The following CREB1 variants were observed in gnomAD, a reference collection of about 807,000 sequenced individuals.
CREB1 encodes cAMP responsive element binding protein 1.
Under a neutral mutation model 42.0 loss-of-function variants are expected in CREB1, and 2 were observed. The observed-to-expected ratio is 0.05, with a 90% confidence interval of 0.02 to 0.15. CREB1 has a LOEUF of 0.15. Among genes scored for constraint, CREB1 ranks in the 10% least tolerant of loss-of-function variants. CREB1 has a pLI of 1.00. For missense variants in CREB1, 199 were observed against 388.9 expected (o/e 0.51, Z 4.11); for synonymous variants, 123 against 139.9 (o/e 0.88, Z 0.85).
At chr2:207,589,007 G>A (rs1268458922) in intron 7 of CREB1, among the ~76,000 whole-genome samples, 3 of 151,704 alleles carry the variant, frequency 2.0e-5, no homozygotes, top group African/African-American at 7.3e-5. Flanking sequence ...TTATTGCAAT[G>A]TCTAGGACTT....
At chr2:207,554,127 T>G (rs1210623723) in intron 1 of CREB1, among the ~76,000 whole-genome samples, 1 of 152,230 alleles carries the variant, frequency 6.6e-6, no homozygotes, top group Non-Finnish European at 1.5e-5. Flanking sequence ...TGTGGCTTTA[T>G]GAATATTTTA....
At position 207,604,554 on chromosome 2, in the gene CREB1, A is replaced by T. The variant is rs2087743128; in HGVS notation, c.*7496A>T. Reference sequence around the variant, plus strand: ...AACACGGGCCTGACATCAAATGGAAAGGAAGGATAATGTCCAGGAGTTGGA... The same window carrying T: ...AACACGGGCCTGACATCAAATGGAATGGAAGGATAATGTCCAGGAGTTGGA... On this transcript the variant is annotated 3_prime_UTR_variant, in exon 8 of 8. Transcript: ENST00000353267. Among the ~76,000 whole-genome samples, 1 of 152,254 alleles carries T rather than the reference A, an allele frequency of 6.6e-6. No individual in the cohort carries two copies. The highest frequency in any genetic ancestry group is 2.1e-4 in the South Asian group (1 of 4,834).
chr2:207,549,140 C>T (rs2081404367), intron 1 of CREB1, among the ~76,000 whole-genome samples: 1 of 152,166 alleles, frequency 6.6e-6, no homozygotes, highest in Non-Finnish European at 1.5e-5. Context: ...ACCTTTGTTA[C>T]AGTGTGATCA....
At chr2:207,550,945 T>A (rs2081479538) in intron 1 of CREB1, among the ~76,000 whole-genome samples, 1 of 152,250 alleles carries the variant, frequency 6.6e-6, no homozygotes, top group African/African-American at 2.4e-5. Flanking sequence ...GCAGAGTTTT[T>A]AAAATTTTTA....
chr2:207,561,813 A>G (rs1028475002), intron 3 of CREB1, among the ~76,000 whole-genome samples: 22 of 152,178 alleles, frequency 1.4e-4, no homozygotes, highest in African/African-American at 4.1e-4. Flanking sequence ...GAAGCATTCT[A>G]TTAATGTCCT....
intron 2 of CREB1, among the ~76,000 whole-genome samples, chr2:207,555,978 C>G (rs2081704666): frequency 6.6e-6 from 1 of 151,870 alleles, no homozygotes. Context: ...GTGAAATGAT[C>G]CAGAAATAAT....
chr2:207,570,101 C>G, intron 4 of CREB1, 78 bp from the exon 5 acceptor site: 23 of 701,462 alleles, frequency 3.3e-5, no homozygotes, highest in East Asian at 4.9e-5. Flanking sequence ...TGTGAGTTTT[C>G]TCATCTTTAA....
In CREB1 at chr2:207,575,445, G is replaced by A. The variant is rs147363050; in HGVS notation, c.679G>A (p.Val227Ile). ...GATCTTAGTGCCCAGCAACCAAGTT[G>A]TTGTTCAAGGTAAGGGAATTCAGAA... ...QQILVPSNQV[V>I]VQAASGDVQT... is the part of the protein sequence containing the mutation. Residue 227 changes from valine (V) to isoleucine (I), a missense_variant, in exon 6 of 8, where the codon GTT becomes ATT. Val to Ile is a conservative substitution (Grantham distance 29). Around this residue, in one of 4 missense-constraint regions of CREB1, gnomAD observed 66 missense variants for 88.1 expected, o/e 0.75. Transcript: ENST00000353267. 7 of 1,609,798 alleles carry A rather than the reference G, an allele frequency of 4.3e-6. No homozygotes were observed. In the African/African-American group the frequency reaches 6.7e-5, roughly 15 times the overall value.
chr2:207,539,692 A>G (rs1443573427), intron 1 of CREB1, among the ~76,000 whole-genome samples: 1 of 152,182 alleles, frequency 6.6e-6, no homozygotes, highest in Non-Finnish European at 1.5e-5. Context: ...TACATGACAG[A>G]GTTTTTACTG....
intron 5 of CREB1, chr2:207,571,919 G>T (rs1254253798): frequency 1.3e-5 from 4 of 305,408 alleles, no homozygotes; most frequent in Admixed American, 1.3e-4. Context: ...TCCTCCAGCA[G>T]CTGAAAATTG....
chr2:207,584,562 G>A (rs761517707), intron 7 of CREB1, among the ~76,000 whole-genome samples: 6 of 152,008 alleles, frequency 3.9e-5, no homozygotes, highest in East Asian at 3.9e-4. Context: ...CTGCCACCAC[G>A]TCTGATTTTT....
At chr2:207,533,460 TCTA>T (rs2080739362) in intron 1 of CREB1, among the ~76,000 whole-genome samples, 1 of 152,330 alleles carries the variant, frequency 6.6e-6, no homozygotes, top group African/African-American at 2.4e-5. Flanking sequence ...GTTTTTAAAT[TCTA>T]CTTTTTATAA....
chr2:207,545,731 C>CT (rs11356093), intron 1 of CREB1, among the ~76,000 whole-genome samples: 4,856 of 136,852 alleles, frequency 0.035, 275 homozygotes, highest in African/African-American at 0.12. Context: ...AGGAAGTGAA[C>CT]TTTTTTTTTT....
intron 7 of CREB1, among the ~76,000 whole-genome samples, chr2:207,584,164 ATATC>A (rs2083405866): frequency 6.6e-6 from 1 of 152,204 alleles, no homozygotes; most frequent in South Asian, 2.1e-4. Context: ...ACATGAGTAA[ATATC>A]TAGGAGTAGG....
intron 5 of CREB1, among the ~76,000 whole-genome samples, chr2:207,572,367 A>G (rs1216715462): frequency 1.3e-5 from 2 of 152,028 alleles, no homozygotes; most frequent in African/African-American, 2.4e-5. Context: ...CTTGATTTTC[A>G]TTAAGAGCAA....
At chr2:207,539,691 G>T (rs1213619738) in intron 1 of CREB1, among the ~76,000 whole-genome samples, 1 of 152,164 alleles carries the variant, frequency 6.6e-6, no homozygotes, top group Non-Finnish European at 1.5e-5. Context: ...GTACATGACA[G>T]AGTTTTTACT....
intron 6 of CREB1, chr2:207,577,291 G>C: frequency 9.6e-7 from 1 of 1,040,264 alleles, no homozygotes; most frequent in South Asian, 1.8e-5. Flanking sequence ...AAGATCCAGC[G>C]GACATAGGTT....
intron 1 of CREB1, among the ~76,000 whole-genome samples, chr2:207,554,782 T>C (rs1226550455): frequency 6.6e-6 from 1 of 152,204 alleles, no homozygotes. Context: ...TGTGGATGTA[T>C]GTGTACAGTA....
At chr2:207,591,970 G>C (rs1166405965) in intron 7 of CREB1, among the ~76,000 whole-genome samples, 2 of 151,906 alleles carry the variant, frequency 1.3e-5, no homozygotes, top group Non-Finnish European at 2.9e-5. Context: ...ATAAATCCAT[G>C]TTTTAATCTA....
Sources: allele counts gnomAD v4.1 joint callset (sites outside exome capture counted in the v4.1 genomes callset), GRCh38; gene constraint gnomAD v4.1.1; regional missense constraint gnomAD v4.1.1; transcripts MANE v1.5; gene names NCBI Gene and HGNC (gene_info 2026-07-23, HGNC 2026-07-21).